The following DEPDC5 variants were observed in gnomAD, a reference collection of about 807,000 sequenced individuals.
DEPDC5 encodes the protein DEP domain containing 5, GATOR1 subcomplex subunit.
In DEPDC5, 73 loss-of-function variants were observed where a neutral mutation model predicts 217.3. The observed-to-expected ratio is 0.34, with a 90% CI of 0.28 to 0.41. DEPDC5 has a LOEUF of 0.41. DEPDC5 is among the 10% of genes least tolerant of loss of function. The pLI is 1.00. For missense variants in DEPDC5, 1,675 were observed against 2,070.1 expected (o/e 0.81, Z 3.70); for synonymous variants, 733 against 756.7 (o/e 0.97, Z 0.51).
chr22:31,861,323 C>T, intron 32 of DEPDC5, 45 bp from the exon 33 acceptor site: 12 of 1,543,452 alleles, frequency 7.8e-6, no homozygotes, highest in Non-Finnish European at 1.1e-5. Flanking sequence ...CGTTTCTTCG[C>T]TTCCTTGCAA....
intron 38 of DEPDC5, among the ~76,000 whole-genome samples, chr22:31,889,863 A>G (rs777999907): frequency 1.5e-4 from 23 of 152,202 alleles, no homozygotes; most frequent in South Asian, 1.2e-3. Flanking sequence ...TTATTCTGGC[A>G]GTATCAGGAA....
chr22:31,823,117 T>A (rs2089852592), intron 24 of DEPDC5: 2 of 249,348 alleles, frequency 8.0e-6, no homozygotes, highest in Non-Finnish European at 1.6e-5. Context: ...GGACTTTTGG[T>A]TGTCAGGGGC....
intron 20 of DEPDC5, among the ~76,000 whole-genome samples, chr22:31,812,064 C>G (rs558111369): frequency 6.6e-6 from 1 of 152,034 alleles, no homozygotes; most frequent in South Asian, 2.1e-4. Flanking sequence ...TCTCGGCTCA[C>G]TGCAGCCTCT....
At chr22:31,905,924 C>T (rs965741581) in intron 41 of DEPDC5, 60 bp from the exon 42 acceptor site, 5 of 1,464,444 alleles carry the variant, frequency 3.4e-6, no homozygotes, top group Non-Finnish European at 2.9e-6. Context: ...GCTACATTCT[C>T]TTCCCTTGCC....
In DEPDC5 at chr22:31,838,796, C is replaced by A. The variant is rs770266753; in HGVS notation, c.2466C>A (p.Pro822=). ...TAGTGCAGCCCAAGACACAGAAACC[C>A]AATCCTGCTGTCCCGCCCCCGCTGA... is the stretch of plus-strand genomic sequence containing the variant. The part of the protein sequence containing the change: ...QIIVQPKTQK[P]NPAVPPPLSS... The change falls in exon 27 of 43, where the codon CCC becomes CCA. Residue 822 remains proline (P), a synonymous_variant. Coordinates refer to ENST00000651528, the MANE Select transcript of DEPDC5 (RefSeq NM_001242896.3). 1.2e-6 allele frequency: 2 copies of A among 1,614,150 alleles called. No individual in the cohort carries two copies. Among genetic ancestry groups the A allele is most frequent in the Admixed American group, 3.3e-5 (2 of 60,026 alleles).
chr22:31,845,767 A>ATGTG (rs113529867), intron 30 of DEPDC5, among the ~76,000 whole-genome samples: 7 of 149,280 alleles, frequency 4.7e-5, no homozygotes, highest in East Asian at 2.0e-4. Flanking sequence ...GTGTGTGTGT[A>ATGTG]TGTGTGTGTG....
intron 33 of DEPDC5, 23 bp from the exon 34 acceptor site, chr22:31,870,567 A>G (rs1707584387): frequency 1.4e-6 from 2 of 1,480,170 alleles, no homozygotes; most frequent in African/African-American, 2.9e-5. Flanking sequence ...GGAATCAAGT[A>G]TTCATTTTTA....
intron 10 of DEPDC5, among the ~76,000 whole-genome samples, chr22:31,788,264 ATTTTTTTTTT>A (rs75378797): frequency 1.1e-4 from 10 of 90,700 alleles, no homozygotes; most frequent in South Asian, 3.4e-4. Context: ...GGATGACTGT[ATTTTTTTTTT>A]TTTTTTTTTT....
At chr22:31,830,102 G>T (rs916428407) in intron 24 of DEPDC5, among the ~76,000 whole-genome samples, 6 of 152,102 alleles carry the variant, frequency 3.9e-5, no homozygotes, top group Non-Finnish European at 5.9e-5. Flanking sequence ...GGCCAGGTCA[G>T]TTTTTTTTAT....
intron 24 of DEPDC5, among the ~76,000 whole-genome samples, chr22:31,830,630 C>CGTGTGTGTGTGTGTGTGTGTGTGT (rs34078350): frequency 1.4e-5 from 2 of 142,554 alleles, no homozygotes; most frequent in African/African-American, 5.1e-5. Flanking sequence ...TATGCGTGTA[C>CGTGTGTGTGTGTGTGTGTGTGTGT]GTGTGTGTGT....
At chr22:31,763,714 A>C (rs1198173099) in intron 4 of DEPDC5, among the ~76,000 whole-genome samples, 1 of 151,612 alleles carries the variant, frequency 6.6e-6, no homozygotes, top group Non-Finnish European at 1.5e-5. Flanking sequence ...GATTACAGGC[A>C]TGAGTCACCA....
intron 26 of DEPDC5, among the ~76,000 whole-genome samples, chr22:31,838,363 G>C (rs1450410735): frequency 1.3e-5 from 2 of 151,892 alleles, no homozygotes; most frequent in Non-Finnish European, 2.9e-5. Flanking sequence ...TTGGCTCACT[G>C]CAACCTCTGC....
intron 38 of DEPDC5, among the ~76,000 whole-genome samples, chr22:31,888,240 GTTTTTTTTTTTTTTT>G (rs71184531): frequency 6.0e-5 from 4 of 66,352 alleles, no homozygotes; most frequent in Admixed American, 2.3e-4. Flanking sequence ...TTTGTCTGTG[GTTTTTTTTTTTTTTT>G]TTTTTTTTTT....
intron 4 of DEPDC5, among the ~76,000 whole-genome samples, chr22:31,762,998 T>A (rs2082524661): frequency 6.6e-6 from 1 of 151,384 alleles, no homozygotes; most frequent in South Asian, 2.1e-4. Context: ...TATTTATATT[T>A]TTATTTTTTT....
intron 12 of DEPDC5, 83 bp from the exon 13 acceptor site, chr22:31,797,517 A>G (rs1482070421): frequency 8.8e-7 from 1 of 1,140,126 alleles, no homozygotes; most frequent in East Asian, 2.3e-5. Context: ...GGGTATTACA[A>G]TTTGAGATGA....
intron 39 of DEPDC5, among the ~76,000 whole-genome samples, chr22:31,895,143 C>CAAAA (rs56247667): frequency 1.7e-5 from 1 of 57,596 alleles, no homozygotes; most frequent in East Asian, 6.2e-4. Context: ...GAATCCGTCT[C>CAAAA]AAAAAAAAAA....
In DEPDC5 at chr22:31,822,806, G is replaced by GCC. The variant is rs764363358; in HGVS notation, c.2104+16_2104+17insCC. 6.2e-7 allele frequency: 1 copy of GCC among 1,612,082 alleles called. No homozygotes were observed. The highest frequency in any genetic ancestry group is 2.2e-5 in the East Asian group (1 of 44,856). ...AGTGGTGCAGGTAACCAATCCAAGAGGTAATAGAGTTGGGATGTTTAGATC... is the reference window on the plus strand; with the variant it reads ...AGTGGTGCAGGTAACCAATCCAAGAGCCGTAATAGAGTTGGGATGTTTAGATC... On this transcript the variant is annotated intron_variant, in intron 24 of 42. Coordinates refer to ENST00000651528, the MANE Select transcript of DEPDC5 (RefSeq NM_001242896.3).
rs763807898 is a variant in DEPDC5, at chr22:31,837,196, G to T, written c.2354+41G>T. The T allele has an allele frequency of 1.4e-5, 23 of 1,607,156 alleles. No individual in the cohort carries two copies. In the Admixed American group the frequency reaches 3.2e-4, roughly 22 times the overall value. On this transcript the variant is annotated intron_variant, in intron 26 of 42. Coordinates refer to ENST00000651528, the MANE Select transcript of DEPDC5 (RefSeq NM_001242896.3). ...AAAGGCACTTGGCTTGGTTGGTGAGGGTTTCGGATATATCCCACACATGCA... is the reference window on the plus strand; with the variant it reads ...AAAGGCACTTGGCTTGGTTGGTGAGTGTTTCGGATATATCCCACACATGCA...
intron 23 of DEPDC5, 112 bp from the exon 24 acceptor site, chr22:31,822,581 A>C: frequency 1.0e-6 from 1 of 971,450 alleles, no homozygotes; most frequent in Non-Finnish European, 1.5e-6. Context: ...AGTTGGCTGA[A>C]TATTCAGGCC....
Sources: gnomAD v4.1 joint callset for allele counts (sites outside exome capture counted in the v4.1 genomes callset) on GRCh38, gnomAD v4.1.1 for gene constraint, MANE v1.5 for transcripts, NCBI Gene and HGNC (gene_info 2026-07-23, HGNC 2026-07-21) for gene names.